Variants in AKAP3 observed in about 807,000 individuals in gnomAD.
AKAP3 encodes A-kinase anchoring protein 3.
Under a neutral mutation model 57.2 loss-of-function variants are expected in AKAP3, and 27 were observed. The ratio of observed to expected loss-of-function variants is 0.47; its 90% CI spans 0.35 to 0.65. The LOEUF (loss-of-function observed/expected upper bound fraction) is 0.65, where lower values mean the gene tolerates loss of function less well. AKAP3 is among the 30% of genes least tolerant of loss of function. The probability of loss-of-function intolerance (pLI) is 0.01; values close to 1 mark genes in which losing one functional copy is unlikely to be tolerated. For synonymous variants in AKAP3, 334 were observed against 392.3 expected, an observed-to-expected ratio of 0.85 and a Z score of 1.76; for missense variants, 959 against 1,040.0, an observed-to-expected ratio of 0.92 and a Z score of 1.07.
At position 4,615,640 on chromosome 12, in the gene AKAP3, CTG is replaced by C; in HGVS notation, c.*97_*98del. The stretch of plus-strand genomic sequence containing the variant: ...GTGGTGTGAAGATAATGTTAGGGCT[CTG>C]TGAGGATATAGAGGGGGAGATGTGG... On this transcript the variant is annotated 3_prime_UTR_variant, in exon 6 of 6. Coordinates refer to ENST00000228850, the MANE Select transcript of AKAP3 (RefSeq NM_001278309.2). 7.1e-7 allele frequency: 1 copy of C among 1,411,474 alleles called. No homozygotes were observed. Among genetic ancestry groups the C allele is most frequent in the Non-Finnish European group, 9.7e-7 (1 of 1,029,828 alleles). 87.4% of individuals were successfully genotyped at this position (1,411,474 alleles called of 1,614,324 possible).
At chr12:4,631,821 G>C (rs1410194211) in intron 4 of AKAP3, among the ~76,000 whole-genome samples, 1 of 151,658 alleles carries the variant, frequency 6.6e-6, no homozygotes, top group Non-Finnish European at 1.5e-5. Flanking sequence ...AATAAAAACA[G>C]CTATACCTTT....
rs370794366 is a variant in AKAP3 at position 4,627,445 on chromosome 12, C to T, written c.1457G>A (p.Arg486His). The change falls in exon 5 of 6, where the codon CGT becomes CAT. Residue 486 changes from arginine (R) to histidine (H), a missense_variant. Physicochemically the swap from Arg to His is conservative, Grantham distance 29 (BLOSUM62 0). Transcript: ENST00000228850. ...AAAGGAAATGTCTGATGCAGGCTTA[C>T]GCTGTGTGTTGGGAGCTTCAAATGC... ...HAAFEAPNTQ[R>H]KPASDISFEY... 72 of 1,613,854 alleles carry T rather than the reference C, an allele frequency of 4.5e-5. No homozygotes were observed. The highest frequency in any genetic ancestry group is 8.3e-5 in the Admixed American group (5 of 59,972).
Position 4,631,421 on chromosome 12 carries a change from G to A in AKAP3, c.97-2616C>T, listed in dbSNP as rs1945496424. 8.7e-6 allele frequency: 6 copies of A among 686,604 alleles called. No individual in the cohort carries two copies. The South Asian group carries it at 9.4e-5, about 11-fold the overall frequency. The allele number at this position is 686,604 out of a possible 1,614,324, so 42.5% of individuals were successfully genotyped here. ...TTATGGTTTATTTTTGCCACAAAGT[G>A]GGGCTGAAAGTTTAGAATTGAAGCT... is the stretch of plus-strand genomic sequence containing the variant. On this transcript the variant is annotated intron_variant, in intron 4 of 5. Coordinates refer to ENST00000228850, the MANE Select transcript of AKAP3 (RefSeq NM_001278309.2).
At position 4,628,122 on chromosome 12, in the gene AKAP3, G is replaced by A. The variant is rs761284232; in HGVS notation, c.780C>T (p.Phe260=). Residue 260 remains phenylalanine, a synonymous_variant, in exon 5 of 6, where the codon TTC becomes TTT. Transcript: ENST00000228850. The stretch of plus-strand genomic sequence containing the variant: ...GAAACCTCTTTCTCTCCCGAGGAAA[G>A]AACCTTCCACCCTCTCTGGCATAAT... ...NGDYAREGGR[F]FPRERKRFRG... is the part of the protein sequence containing the mutation. 16 of 1,614,054 alleles carry A rather than the reference G, an allele frequency of 9.9e-6. No homozygotes were observed. The highest frequency in any genetic ancestry group is 1.2e-5 in the Non-Finnish European group (14 of 1,180,032).
In AKAP3 at chr12:4,648,953, C is replaced by T. The variant is rs569038203; in HGVS notation, c.-453G>A. 2.3e-4 allele frequency: 157 copies of T among 685,102 alleles called. 1 individual carries two copies. Among genetic ancestry groups the T allele is most frequent in the Non-Finnish European group, 2.7e-5 (11 of 407,648 alleles). The allele number at this position is 685,102 out of a possible 1,614,324, so 42.4% of individuals were successfully genotyped here. On this transcript the variant is annotated 5_prime_UTR_variant, in exon 1 of 6. It adds an upstream start codon to the 5' untranslated region. Coordinates refer to ENST00000228850, the MANE Select transcript of AKAP3 (RefSeq NM_001278309.2). ...GATTCCAACAGCCAAAGTCTTTTCA[C>T]TTCCTTTCTTCCCCCTCTCCTTCAC... is the stretch of plus-strand genomic sequence containing the variant.
chr12:4,648,308 G>A (rs979878), intron 1 of AKAP3: 119,419 of 152,154 alleles, frequency 0.78, 47,516 homozygotes, highest in Non-Finnish European at 0.85. Flanking sequence ...CACTAAATTT[G>A]CATAATATTT....
Position 4,628,240 on chromosome 12 carries a change from T to C in AKAP3, c.662A>G (p.Lys221Arg). Residue 221 changes from lysine to arginine, a missense_variant, in exon 5 of 6, where the codon AAG becomes AGG. Coordinates refer to ENST00000228850, the MANE Select transcript of AKAP3 (RefSeq NM_001278309.2). ...ACCCTGTCTTTCTTTGGTGCTCTCC[T>C]TGATCTTCAAAGTGGACTTGTATTT... ...NLKYKSTLKI[K>R]ESTKERQGPD... The C allele has an allele frequency of 6.2e-7, 1 of 1,614,176 alleles. No homozygotes were observed. Among genetic ancestry groups the C allele is most frequent in the South Asian group, 1.1e-5 (1 of 91,082 alleles).
chr12:4,623,849 T>TG lies in AKAP3; in HGVS notation c.2406+2646_2406+2647insC, dbSNP rs531752262. ...ATGCAAAGATACTCACCCTTATTCC[T>TG]AATAAGACAAAAAGTAAAGCAACTT... On this transcript the variant is annotated intron_variant, in intron 5 of 5. Transcript: ENST00000228850. Among the ~76,000 whole-genome samples, 38 of 152,320 alleles carry TG rather than the reference T, an allele frequency of 2.5e-4. 1 individual carries two copies. In the East Asian group the frequency reaches 4.4e-3, roughly 18 times the overall value.
intron 5 of AKAP3, among the ~76,000 whole-genome samples, chr12:4,623,423 AG>A (rs747860884): frequency 1.4e-4 from 22 of 152,374 alleles, no homozygotes; most frequent in South Asian, 8.3e-4. Context: ...AATATTATGC[AG>A]TCATAAAAAA....
At chr12:4,632,761 C>T (rs1204100235) in intron 4 of AKAP3, among the ~76,000 whole-genome samples, 1 of 152,148 alleles carries the variant, frequency 6.6e-6, no homozygotes, top group Non-Finnish European at 1.5e-5. Context: ...CAGCCTCAGC[C>T]TCCCGAGTAG....
rs1484559711 is a variant in AKAP3, at chr12:4,628,028, C to T, written c.874G>A (p.Val292Met). The part of the protein sequence containing the change: ...SEGIMTYANS[V>M]VSDMMVSIMK... ...ATGGAGACCATCATATCAGATACCA[C>T]ACTGTTAGCATAGGTCATGATCCCT... Residue 292 changes from valine to methionine, a missense_variant, in exon 5 of 6, where the codon GTG (valine) becomes ATG (methionine). Transcript: ENST00000228850. 5.6e-6 allele frequency: 9 copies of T among 1,614,112 alleles called. No homozygotes were observed. Among genetic ancestry groups the T allele is most frequent in the Admixed American group, 1.7e-5 (1 of 60,016 alleles).
chr12:4,640,942 G>A (rs1252847753), intron 3 of AKAP3, among the ~76,000 whole-genome samples: 1 of 151,864 alleles, frequency 6.6e-6, no homozygotes, highest in Non-Finnish European at 1.5e-5. Context: ...ATCAAGAATT[G>A]AGAATTCCTA....
chr12:4,642,885 T>C (rs1333484862), intron 2 of AKAP3, among the ~76,000 whole-genome samples: 1 of 152,224 alleles, frequency 6.6e-6, no homozygotes, highest in Admixed American at 6.5e-5. Context: ...AGATAGTTCA[T>C]TTTTCCTTTT....
Position 4,628,429 on chromosome 12 carries a change from G to T in AKAP3, c.473C>A (p.Ser158Ter). The T allele has an allele frequency of 6.2e-7, 1 of 1,614,130 alleles. No homozygotes were observed. The highest frequency in any genetic ancestry group is 1.1e-5 in the South Asian group (1 of 91,052). ...TGTGGGTTCATTCCCCATGTACAATGACTGATAGACACATTTGTTTTCAGA... is the reference window on the plus strand; with the variant it reads ...TGTGGGTTCATTCCCCATGTACAATTACTGATAGACACATTTGTTTTCAGA... ...DGSENKCVYQ[S>*]LYMGNEPTPT... The change falls in exon 5 of 6, where the codon TCA becomes TAA. Residue 158 changes from serine to a stop codon, truncating the protein, a stop_gained. Coordinates refer to ENST00000228850, the MANE Select transcript of AKAP3 (RefSeq NM_001278309.2). LOFTEE classifies it high-confidence loss of function.
chr12:4,615,826 C>T lies in AKAP3; in HGVS notation c.2475G>A (p.Leu825=). Residue 825 remains leucine (L), a synonymous_variant, in exon 6 of 6, where the codon CTG becomes CTA. Coordinates refer to ENST00000228850, the MANE Select transcript of AKAP3 (RefSeq NM_001278309.2). The part of the protein sequence containing the change: ...CSVGEVLQSV[L]RYEKERQLNE... ...TCAGCTGGCGCTCCTTCTCATAGCG[C>T]AGCACCGACTGCAGAACCTCGCCCA... is the stretch of plus-strand genomic sequence containing the variant. 4 of 1,614,234 alleles carry T rather than the reference C, an allele frequency of 2.5e-6. No individual in the cohort carries two copies. The highest frequency in any genetic ancestry group is 3.4e-6 in the Non-Finnish European group (4 of 1,180,044).
rs1422269977 is a variant in AKAP3 at position 4,628,347 on chromosome 12, T to C, written c.555A>G (p.Ala185=). The C allele has an allele frequency of 3.1e-6, 5 of 1,614,186 alleles. No homozygotes were observed. The highest frequency in any genetic ancestry group is 2.2e-5 in the East Asian group (1 of 44,878). The change falls in exon 5 of 6, where the codon GCA becomes GCG. Residue 185 remains alanine, a synonymous_variant. Coordinates refer to ENST00000228850, the MANE Select transcript of AKAP3 (RefSeq NM_001278309.2). ...ASELVNETVS[A]CSRNAAPDKA... is the part of the protein sequence containing the mutation. ...TGTCTGGGGCAGCATTCCTGGAACA[T>C]GCAGAGACGGTCTCATTCACAAGCT...
chr12:4,622,613 T>C (rs1023207216), intron 5 of AKAP3, among the ~76,000 whole-genome samples: 1 of 152,122 alleles, frequency 6.6e-6, no homozygotes, highest in Non-Finnish European at 1.5e-5. Flanking sequence ...CCTTACACCA[T>C]ATACAAAAAT....
At chr12:4,617,332 G>C (rs1158220716) in intron 5 of AKAP3, among the ~76,000 whole-genome samples, 1 of 152,204 alleles carries the variant, frequency 6.6e-6, no homozygotes, top group Non-Finnish European at 1.5e-5. Flanking sequence ...AATTGCTAAA[G>C]GAAGTTCTTC....
chr12:4,616,835 C>T (rs1325009501), intron 5 of AKAP3, among the ~76,000 whole-genome samples: 1 of 151,996 alleles, frequency 6.6e-6, no homozygotes, highest in Non-Finnish European at 1.5e-5. Context: ...GACTTGTGGG[C>T]AATACCAAAA....
Sources: gnomAD v4.1 joint callset for allele counts (sites outside exome capture counted in the v4.1 genomes callset) on GRCh38, gnomAD v4.1.1 for gene constraint, MANE v1.5 for transcripts, NCBI Gene and HGNC (gene_info 2026-07-23, HGNC 2026-07-21) for gene names.